FNDC3B: variants seen among roughly 807,000 people sequenced by gnomAD.
The protein encoded by FNDC3B is fibronectin type III domain-containing protein 3B.
FNDC3B carries 12 observed loss-of-function variants against 151.5 expected under a neutral mutation model. That is an observed-to-expected ratio of 0.08 (90% CI 0.05 to 0.13). The LOEUF is 0.13. Among genes scored for constraint, FNDC3B ranks in the 10% least tolerant of loss-of-function variants. FNDC3B has a pLI of 1.00. For missense variants in FNDC3B, 1,214 were observed against 1,505.3 expected, an observed-to-expected ratio of 0.81 and a Z score of 3.20; for synonymous variants, 528 against 549.0, an observed-to-expected ratio of 0.96 and a Z score of 0.54.
At position 172,339,389 on chromosome 3, in the gene FNDC3B, G is replaced by A. The variant is rs144031336; in HGVS notation, c.1853-1724G>A. Among the ~76,000 whole-genome samples, 515 of 152,010 alleles carry A rather than the reference G, an allele frequency of 3.4e-3. 1 individual carries two copies. The highest frequency in any genetic ancestry group is 0.012 in the African/African-American group (482 of 41,480). ...CAGCCTGGCCAACATGGTGAAACCC[G>A]TCTCTGCTAGAAAAAATACAAAAAT... On this transcript the variant is annotated intron_variant, in intron 16 of 25. Coordinates refer to ENST00000415807, the MANE Select transcript of FNDC3B (RefSeq NM_022763.4).
intron 21 of FNDC3B, among the ~76,000 whole-genome samples, chr3:172,349,946 G>A (rs978685671): frequency 2.6e-5 from 4 of 152,116 alleles, no homozygotes; most frequent in African/African-American, 9.7e-5. Context: ...GTGAGCCACC[G>A]TGCCCGGCCA....
chr3:172,290,637 G>A (rs939732388), intron 7 of FNDC3B, among the ~76,000 whole-genome samples: 4 of 152,072 alleles, frequency 2.6e-5, no homozygotes, highest in Admixed American at 6.5e-5. Context: ...TTGATTTGTC[G>A]GTTCCAGAAG....
intron 6 of FNDC3B, among the ~76,000 whole-genome samples, chr3:172,280,317 T>A (rs1479350978): frequency 6.6e-6 from 1 of 152,234 alleles, no homozygotes; most frequent in East Asian, 1.9e-4. Context: ...TATTGAGTAG[T>A]CACATTTTTC....
chr3:172,238,099 C>T (rs370455708), intron 4 of FNDC3B, among the ~76,000 whole-genome samples: 16 of 152,324 alleles, frequency 1.1e-4, no homozygotes, highest in African/African-American at 3.6e-4. Context: ...TTCAACCACA[C>T]TTTTAATCTT....
intron 6 of FNDC3B, among the ~76,000 whole-genome samples, chr3:172,279,800 G>A (rs184651192): frequency 2.5e-4 from 38 of 152,174 alleles, no homozygotes; most frequent in African/African-American, 5.3e-4. Flanking sequence ...TTTTGTATGC[G>A]CTTATTGATT....
intron 8 of FNDC3B, among the ~76,000 whole-genome samples, chr3:172,297,687 G>A (rs987860511): frequency 5.9e-5 from 9 of 151,948 alleles, no homozygotes; most frequent in Non-Finnish European, 1.0e-4. Flanking sequence ...TGTTAGCCAG[G>A]ATGGTCTCGA....
intron 9 of FNDC3B, among the ~76,000 whole-genome samples, chr3:172,300,772 A>T: frequency 6.6e-6 from 1 of 152,202 alleles, no homozygotes; most frequent in Admixed American, 6.5e-5. Context: ...GAAGATAGGA[A>T]GTTCTCTCTC....
chr3:172,215,676 A>G (rs1242849592), intron 3 of FNDC3B, among the ~76,000 whole-genome samples: 1 of 152,206 alleles, frequency 6.6e-6, no homozygotes, highest in Non-Finnish European at 1.5e-5. Context: ...GTGAGCCGAG[A>G]TTGCGCCACT....
At chr3:172,342,087 G>A (rs1021224202) in intron 17 of FNDC3B, among the ~76,000 whole-genome samples, 11 of 152,240 alleles carry the variant, frequency 7.2e-5, no homozygotes, top group African/African-American at 2.2e-4. Flanking sequence ...GACTTTTCAA[G>A]AGAATACCTG....
chr3:172,149,804 G>GTTTT (rs1722114184), intron 3 of FNDC3B, among the ~76,000 whole-genome samples: 2 of 86,724 alleles, frequency 2.3e-5, no homozygotes, highest in African/African-American at 1.0e-4. Flanking sequence ...TGTATGTTGG[G>GTTTT]TGTTTTTTTT....
chr3:172,123,392 A>AT (rs11438308), intron 2 of FNDC3B, among the ~76,000 whole-genome samples: 87,789 of 149,100 alleles, frequency 0.59, 27,783 homozygotes, highest in East Asian at 0.77. Flanking sequence ...GAAGTTGATA[A>AT]TTTTTTTTTT....
chr3:172,315,174 C>T lies in FNDC3B; in HGVS notation c.1254+4293C>T, dbSNP rs558157237. 3.9e-5 allele frequency among the ~76,000 whole-genome samples: 6 copies of T among 152,216 alleles called. No individual in the cohort carries two copies. The East Asian group carries it at 5.8e-4, about 15-fold the overall frequency. ...GGTGGATTGCCTGAGCTCAGGAGTT[C>T]GAGACCAGCCTGGGCAACACGGTGA... is the stretch of plus-strand genomic sequence containing the variant. On this transcript the variant is annotated intron_variant, in intron 11 of 25. Coordinates refer to ENST00000415807, the MANE Select transcript of FNDC3B (RefSeq NM_022763.4).
chr3:172,156,736 A>C (rs767168663), intron 3 of FNDC3B, among the ~76,000 whole-genome samples: 5 of 151,742 alleles, frequency 3.3e-5, no homozygotes, highest in Non-Finnish European at 7.4e-5. Flanking sequence ...TCTCTAAAGC[A>C]ACCAGTATTT....
chr3:172,228,931 G>T (rs901158497), intron 4 of FNDC3B, among the ~76,000 whole-genome samples: 1 of 152,004 alleles, frequency 6.6e-6, no homozygotes, highest in African/African-American at 2.4e-5. Context: ...AAGCCAACAG[G>T]ATGTGTACAC....
chr3:172,117,607 C>A (rs1195980461), intron 2 of FNDC3B, among the ~76,000 whole-genome samples: 1 of 152,170 alleles, frequency 6.6e-6, no homozygotes, highest in African/African-American at 2.4e-5. Flanking sequence ...GTTAATTTAA[C>A]GTGATACTTA....
At chr3:172,362,947 C>A in intron 23 of FNDC3B, 102 bp downstream of exon 23, 1 of 898,508 alleles carries the variant, frequency 1.1e-6, no homozygotes, top group East Asian at 2.7e-5. Flanking sequence ...GACCCTCTTC[C>A]TTCTTGTTCA....
chr3:172,375,176 G>T (rs956265866), intron 23 of FNDC3B, among the ~76,000 whole-genome samples: 13 of 152,188 alleles, frequency 8.5e-5, no homozygotes, highest in African/African-American at 3.1e-4. Context: ...TGCTACCTCT[G>T]TCTTTAATGT....
At chr3:172,359,897 C>T (rs889934109) in intron 22 of FNDC3B, among the ~76,000 whole-genome samples, 6 of 152,090 alleles carry the variant, frequency 3.9e-5, no homozygotes, top group African/African-American at 9.7e-5. Flanking sequence ...GTATTTACTA[C>T]GTTCCAAACT....
chr3:172,077,981 TTTA>T (rs1429569196), intron 1 of FNDC3B, among the ~76,000 whole-genome samples: 1 of 152,086 alleles, frequency 6.6e-6, no homozygotes, highest in Non-Finnish European at 1.5e-5. Context: ...ATTATTTCTA[TTTA>T]TTATTATTAT....
Sources: allele counts gnomAD v4.1 joint callset (sites outside exome capture counted in the v4.1 genomes callset), GRCh38; gene constraint gnomAD v4.1.1; transcripts MANE v1.5; gene names NCBI Gene and HGNC (gene_info 2026-07-23, HGNC 2026-07-21).